EYA4: variants seen among roughly 807,000 people sequenced by gnomAD.
The protein encoded by EYA4 is protein phosphatase EYA4.
In EYA4, 31 loss-of-function variants were observed where a neutral mutation model predicts 87.9. That is an observed-to-expected ratio of 0.35 (90% confidence interval 0.27 to 0.48). The LOEUF is 0.48. Among genes scored for constraint, EYA4 ranks in the 20% least tolerant of loss-of-function variants. The probability of loss-of-function intolerance (pLI) is 0.99; values close to 1 mark genes in which losing one functional copy is unlikely to be tolerated. For synonymous variants in EYA4, 263 were observed against 270.6 expected (o/e 0.97, Z 0.28); for missense variants, 678 against 761.4 (o/e 0.89, Z 1.29).
chr6:133,431,737 A>G (rs550474462), intron 3 of EYA4, among the ~76,000 whole-genome samples: 75 of 152,320 alleles, frequency 4.9e-4, no homozygotes, highest in African/African-American at 1.6e-3. Context: ...ATTTTTGTCA[A>G]GCTTTTAGGA....
rs114220156 is a variant in EYA4 at position 133,475,496 on chromosome 6, T to G, written c.971-5967T>G. Among the ~76,000 whole-genome samples the G allele has an allele frequency of 9.7e-3, 1,474 of 152,198 alleles. 28 individuals are homozygous for G. The highest frequency in any genetic ancestry group is 0.034 in the African/African-American group (1,394 of 41,548). On this transcript the variant is annotated intron_variant, in intron 11 of 19. Transcript: ENST00000355286. ...AAAGTAAAGGATAGAGTAAGATCAT[T>G]TCACTCTCTGAAAAGAAGCCAGTTT...
intron 3 of EYA4, among the ~76,000 whole-genome samples, chr6:133,425,510 C>A (rs150462): frequency 0.38 from 57,850 of 150,360 alleles, 14,625 homozygotes; most frequent in Non-Finnish European, 0.54. Flanking sequence ...TAAATTAAAT[C>A]ACTCATCTTT....
intron 13 of EYA4, among the ~76,000 whole-genome samples, chr6:133,495,616 A>G (rs1562487351): frequency 2.0e-5 from 3 of 152,084 alleles, no homozygotes; most frequent in Non-Finnish European, 4.4e-5. Flanking sequence ...TATGCAGAGA[A>G]TAGAATTTAG....
chr6:133,462,072 G>A (rs1794439771), intron 7 of EYA4: 12 of 475,076 alleles, frequency 2.5e-5, no homozygotes, highest in South Asian at 1.5e-4. Context: ...AGACACAGGT[G>A]TAAAATCTAA....
In EYA4 at chr6:133,506,090, T is replaced by C; in HGVS notation, c.1192-16T>C. 6.7e-7 allele frequency: 1 copy of C among 1,498,986 alleles called. No individual in the cohort carries two copies. Among genetic ancestry groups the C allele is most frequent in the Non-Finnish European group, 9.3e-7 (1 of 1,075,190 alleles). 92.9% of individuals were successfully genotyped at this position (1,498,986 alleles called of 1,614,324 possible). A position where few individuals can be genotyped will look rare whatever the true frequency, so the allele number is the denominator to read the frequency against. ...TACTGAAATTTTACCTCATTATGTG[T>C]ACATTTTCTTTACAGGATCCCCCCA... On this transcript the variant is annotated splice_polypyrimidine_tract_variant and intron_variant, in intron 13 of 19. Coordinates refer to ENST00000355286, the MANE Select transcript of EYA4 (RefSeq NM_004100.5).
intron 2 of EYA4, among the ~76,000 whole-genome samples, chr6:133,317,295 A>G (rs1384527172): frequency 6.6e-6 from 1 of 152,220 alleles, no homozygotes; most frequent in Non-Finnish European, 1.5e-5. Context: ...TCTCAAGTTC[A>G]TTTGAGAACA....
chr6:133,245,325 G>T (rs1033917261), intron 1 of EYA4: 1 of 152,170 alleles, frequency 6.6e-6, no homozygotes, highest in African/African-American at 2.4e-5. Context: ...TCCTCTCATT[G>T]AAGAGCTGAA....
chr6:133,359,125 C>T (rs562960043), intron 2 of EYA4, among the ~76,000 whole-genome samples: 2 of 152,280 alleles, frequency 1.3e-5, no homozygotes, highest in Admixed American at 1.3e-4. Context: ...ATACAGAATC[C>T]TGTATAGTTT....
intron 2 of EYA4, among the ~76,000 whole-genome samples, chr6:133,300,161 T>C (rs1367727063): frequency 6.6e-6 from 1 of 151,796 alleles, no homozygotes; most frequent in Admixed American, 6.6e-5. Flanking sequence ...TCAGTGAAAA[T>C]GTATTATTGT....
chr6:133,327,410 G>C (rs1171570610), intron 2 of EYA4, among the ~76,000 whole-genome samples: 1 of 152,098 alleles, frequency 6.6e-6, no homozygotes. Flanking sequence ...GGGATTACAG[G>C]TGTGAGCCAC....
chr6:133,346,839 T>G (rs1024188778), intron 2 of EYA4, among the ~76,000 whole-genome samples: 3 of 152,160 alleles, frequency 2.0e-5, no homozygotes, highest in Non-Finnish European at 4.4e-5. Flanking sequence ...GTGTGAACTT[T>G]CCATATGATG....
intron 2 of EYA4, among the ~76,000 whole-genome samples, chr6:133,345,381 G>A (rs768856085): frequency 3.3e-5 from 5 of 152,104 alleles, no homozygotes; most frequent in Non-Finnish European, 5.9e-5. Context: ...TGAGGAGTAT[G>A]CGTAGTAAGT....
chr6:133,401,020 G>C (rs1277398728), intron 3 of EYA4, among the ~76,000 whole-genome samples: 3 of 152,112 alleles, frequency 2.0e-5, no homozygotes, highest in Non-Finnish European at 2.9e-5. Flanking sequence ...AATCGGTAAA[G>C]AAAATGTGGT....
chr6:133,351,802 C>A (rs1024714051), intron 2 of EYA4, among the ~76,000 whole-genome samples: 4 of 152,072 alleles, frequency 2.6e-5, no homozygotes, highest in Non-Finnish European at 5.9e-5. Context: ...TGGAAATTTT[C>A]AAATGTGTAC....
chr6:133,503,309 TAAATGCAAA>T (rs1798300241), intron 13 of EYA4, among the ~76,000 whole-genome samples: 1 of 152,194 alleles, frequency 6.6e-6, no homozygotes, highest in Non-Finnish European at 1.5e-5. Flanking sequence ...ATCTGATCTG[TAAATGCAAA>T]GAATGTGAAG....
chr6:133,241,061 G>A (rs917171162), upstream of EYA4, among the ~76,000 whole-genome samples: 70 of 152,242 alleles, frequency 4.6e-4, no homozygotes, highest in Middle Eastern at 6.8e-3. Context: ...GGGGCGGCGC[G>A]GAGGGCACGG....
chr6:133,523,005 G>A (rs1300349052), intron 17 of EYA4, 51 bp from the exon 18 acceptor site: 1 of 1,485,242 alleles, frequency 6.7e-7, no homozygotes, highest in Non-Finnish European at 9.4e-7. Context: ...AAATCTATTA[G>A]AAGTTATTTA....
At chr6:133,426,398 C>T (rs1194652483) in intron 3 of EYA4, among the ~76,000 whole-genome samples, 2 of 152,190 alleles carry the variant, frequency 1.3e-5, no homozygotes, top group African/African-American at 2.4e-5. Context: ...AATATCCCAG[C>T]CAACATATGC....
At chr6:133,411,586 T>G (rs1789242773) in intron 3 of EYA4, among the ~76,000 whole-genome samples, 2 of 151,736 alleles carry the variant, frequency 1.3e-5, no homozygotes, top group African/African-American at 4.9e-5. Flanking sequence ...TATTCGGTCT[T>G]TTTTTAATTT....
Sources: allele counts gnomAD v4.1 joint callset (sites outside exome capture counted in the v4.1 genomes callset), GRCh38; gene constraint gnomAD v4.1.1; transcripts MANE v1.5; gene names NCBI Gene and HGNC (gene_info 2026-07-23, HGNC 2026-07-21).